TLE2: variants seen among roughly 807,000 people sequenced by gnomAD.
TLE2 encodes the protein transducin-like enhancer protein 2.
A neutral mutation model predicts 97.2 loss-of-function variants in TLE2; 74 were observed. The observed-to-expected ratio is 0.76, with a 90% CI of 0.63 to 0.92. The LOEUF is 0.92. Ranked by LOEUF, TLE2 falls within the 40% of genes least tolerant of loss-of-function variation. The probability of loss-of-function intolerance (pLI) is 0.00; values close to 1 mark genes in which losing one functional copy is unlikely to be tolerated. For synonymous variants in TLE2, 499 were observed against 432.1 expected, an observed-to-expected ratio of 1.15 and a Z score of -1.92; for missense variants, 1,038 against 1,008.7, an observed-to-expected ratio of 1.03 and a Z score of -0.39.
At position 3,028,363 on chromosome 19, in the gene TLE2, T is replaced by G; in HGVS notation, c.142A>C (p.Lys48Gln). The change falls in exon 3 of 20, where the codon AAG (lysine) becomes CAG (glutamine). Residue 48 changes from lysine to glutamine, a missense_variant. By Grantham distance (53) the Lys-to-Gln change is moderately conservative. Transcript: ENST00000262953. Reference protein sequence around the residue: ...QYHSLKLECEKLASEKTEMQR... With the variant: ...QYHSLKLECEQLASEKTEMQR... ...ATTTCCGTCTTCTCGCTGGCCAGCT[T>G]CTCACATTCTAGCTTGAGGCTGAGA... The G allele has an allele frequency of 1.9e-6, 3 of 1,608,666 alleles. No individual in the cohort carries two copies. The highest frequency in any genetic ancestry group is 2.5e-6 in the Non-Finnish European group (3 of 1,177,368).
intron 5 of TLE2, among the ~76,000 whole-genome samples, chr19:3,021,473 G>A (rs923099568): frequency 5.9e-5 from 9 of 152,108 alleles, no homozygotes; most frequent in Non-Finnish European, 1.0e-4. Context: ...CCATGTGTGT[G>A]GCCACCAGGC....
At chr19:3,010,792 C>T (rs1277170518) in intron 12 of TLE2, among the ~76,000 whole-genome samples, 2 of 152,134 alleles carry the variant, frequency 1.3e-5, no homozygotes, top group African/African-American at 4.8e-5. Context: ...TAGGCTGAAA[C>T]CCCCGACTAA....
intron 8 of TLE2, 117 bp downstream of exon 8, chr19:3,017,723 A>G: frequency 1.1e-6 from 1 of 949,036 alleles, no homozygotes; most frequent in Non-Finnish European, 1.6e-6. Flanking sequence ...AAGTGCTGGG[A>G]TCAAAGGCGT....
chr19:3,026,455 T>TAAAAAAAAA (rs34783402), intron 4 of TLE2, among the ~76,000 whole-genome samples: 1 of 111,320 alleles, frequency 9.0e-6, no homozygotes, highest in African/African-American at 3.3e-5. Flanking sequence ...TCTCAAAATT[T>TAAAAAAAAA]AAAAAAAAAA....
At chr19:3,010,734 T>C (rs1044603511) in intron 12 of TLE2, among the ~76,000 whole-genome samples, 2 of 152,216 alleles carry the variant, frequency 1.3e-5, no homozygotes, top group African/African-American at 4.8e-5. Context: ...CCAAGCCTGG[T>C]CTGAAACCCA....
chr19:3,018,740 G>A (rs1043682041), intron 7 of TLE2, among the ~76,000 whole-genome samples: 10 of 151,792 alleles, frequency 6.6e-5, no homozygotes, highest in Middle Eastern at 3.4e-3. Flanking sequence ...TCAGCCTCCC[G>A]AGTAGCTGAG....
At chr19:3,032,793 G>C (rs568815172), upstream of TLE2, among the ~76,000 whole-genome samples, 22 of 152,280 alleles carry the variant, frequency 1.4e-4, no homozygotes, top group African/African-American at 4.8e-4. This position sits in a 1 kb window ranked among gnomAD's most constrained non-coding sequence, Gnocchi z 4.1. Flanking sequence ...TTGGGGGTCT[G>C]TGAAGTGCTG....
chr19:2,998,460 A>G (rs1016743235), intron 19 of TLE2, among the ~76,000 whole-genome samples: 3 of 143,954 alleles, frequency 2.1e-5, no homozygotes, highest in Non-Finnish European at 4.6e-5. Flanking sequence ...GTATTTTTAG[A>G]AGAGGCAGGG....
chr19:3,039,139 G>A (rs1045123905), intron 1 of TLE2, among the ~76,000 whole-genome samples: 2 of 151,376 alleles, frequency 1.3e-5, no homozygotes, highest in African/African-American at 2.4e-5. Context: ...GCTTGAACCC[G>A]GGAGGCGGAG....
rs529545001 is a variant in TLE2 at position 3,037,066 on chromosome 19, C to G, written c.64-8263G>C. Among the ~76,000 whole-genome samples the G allele has an allele frequency of 2.0e-5, 3 of 152,344 alleles. No individual in the cohort carries two copies. The South Asian group carries it at 6.2e-4, about 32-fold the overall frequency. ...TCAGGAGGCCGAGGCAGGCGGATCA[C>G]CTGAGGCCAGGAGTTCGAGACCAGC... On this transcript the variant is annotated intron_variant, in intron 1 of 18. Coordinates refer to the TLE2 transcript ENST00000426948.
chr19:3,034,807 A>C (rs1011136315), intron 1 of TLE2, among the ~76,000 whole-genome samples: 3 of 152,112 alleles, frequency 2.0e-5, no homozygotes, highest in African/African-American at 7.2e-5. Flanking sequence ...GAGAAGATCC[A>C]GCCCTAGGCC....
chr19:3,001,272 CAAA>C (rs34991673), intron 18 of TLE2, among the ~76,000 whole-genome samples: 6 of 142,816 alleles, frequency 4.2e-5, no homozygotes, highest in East Asian at 2.1e-4. Flanking sequence ...GACTCTGTCT[CAAA>C]AAAAAAAAAA....
intron 1 of TLE2, among the ~76,000 whole-genome samples, chr19:3,044,309 G>A (rs530941277): frequency 1.5e-4 from 23 of 152,178 alleles, no homozygotes; most frequent in African/African-American, 4.8e-4. Flanking sequence ...TGGGTGTGCC[G>A]CCCCTTTGCT....
At chr19:3,024,713 A>G (rs1037654144) in intron 5 of TLE2, among the ~76,000 whole-genome samples, 1 of 152,230 alleles carries the variant, frequency 6.6e-6, no homozygotes, top group Non-Finnish European at 1.5e-5. Flanking sequence ...CCACACAGCC[A>G]GGATTCAGAC....
chr19:3,028,524 G>C, intron 2 of TLE2, 142 bp from the exon 3 acceptor site: 2 of 1,026,270 alleles, frequency 1.9e-6, no homozygotes, highest in Non-Finnish European at 2.8e-6. Flanking sequence ...CCCCTTCCTG[G>C]GCTCCAAATG....
intron 4 of TLE2, 80 bp downstream of exon 4, chr19:3,027,749 G>C: frequency 6.9e-7 from 1 of 1,452,352 alleles, no homozygotes; most frequent in Non-Finnish European, 9.5e-7. Flanking sequence ...CTCTGGCCCC[G>C]GCTGCCCACT....
chr19:3,040,998 TA>T (rs2090096415), intron 1 of TLE2, among the ~76,000 whole-genome samples: 1 of 29,432 alleles, frequency 3.4e-5, no homozygotes, highest in Non-Finnish European at 6.1e-5. Context: ...CATTTATATA[TA>T]TATATATATA....
chr19:3,005,374 G>A (rs756405284), intron 17 of TLE2, 63 bp downstream of exon 17: 2 of 1,577,134 alleles, frequency 1.3e-6, no homozygotes, highest in Admixed American at 1.8e-5. Flanking sequence ...CACCTCACAA[G>A]GAGAGGAAGG....
At chr19:2,999,280 TCAAAAAAA>T (rs768656256) in intron 19 of TLE2, among the ~76,000 whole-genome samples, 16 of 151,448 alleles carry the variant, frequency 1.1e-4, no homozygotes, top group Non-Finnish European at 1.5e-4. Flanking sequence ...GGACTCCGTG[TCAAAAAAA>T]CAAAAAAACA....
Sources: gnomAD v4.1 joint callset for allele counts (sites outside exome capture counted in the v4.1 genomes callset) on GRCh38, gnomAD v4.1.1 for gene constraint, Gnocchi (gnomAD v3.1) non-coding constraint, MANE v1.5 for transcripts, NCBI Gene and HGNC (gene_info 2026-07-23, HGNC 2026-07-21) for gene names.